Variants in NXN observed in about 807,000 individuals in gnomAD.
NXN encodes the protein nucleoredoxin, also known as nucleoredoxin 1.
Under a neutral mutation model 48.6 loss-of-function variants are expected in NXN, and 16 were observed. That is an observed-to-expected ratio of 0.33 (90% CI 0.22 to 0.50). NXN has a LOEUF of 0.50. Among genes scored for constraint, NXN ranks in the 20% least tolerant of loss-of-function variants. The probability of loss-of-function intolerance (pLI) is 0.98; values close to 1 mark genes in which losing one functional copy is unlikely to be tolerated. For missense variants in NXN, 492 were observed against 605.5 expected (o/e 0.81, Z 1.97); for synonymous variants, 281 against 269.6 (o/e 1.04, Z -0.41).
intron 1 of NXN, among the ~76,000 whole-genome samples, chr17:972,337 C>T (rs7222363): frequency 0.068 from 10,245 of 150,800 alleles, 951 homozygotes; most frequent in African/African-American, 0.22. Context: ...CTTAGCCAGG[C>T]GTGGTGGCTG....
In NXN at chr17:948,913, TC is replaced by T. The variant is rs202064791; in HGVS notation, c.360+30405del. On this transcript the variant is annotated intron_variant, in intron 1 of 7. Transcript: ENST00000336868. ...CTCCTCTCCCCCCTGCCTCCTCCTC[TC>T]CCCCCTGCCTCCTCCTCTCCCCCCT... Among the ~76,000 whole-genome samples, 8 of 3,560 alleles carry T rather than the reference TC, an allele frequency of 2.2e-3. 3 individuals are homozygous for T. The highest frequency in any genetic ancestry group is 0.011 in the East Asian group (1 of 88). The allele number at this position is 3,560 out of a possible 152,430, so 2.3% of individuals were successfully genotyped here.
intron 1 of NXN, among the ~76,000 whole-genome samples, chr17:911,565 G>C (rs2068636864): frequency 1.3e-5 from 2 of 151,860 alleles, no homozygotes; most frequent in African/African-American, 2.4e-5. Context: ...TCCTGACCTT[G>C]TGATCCACCC....
chr17:917,917 C>CA lies in NXN; in HGVS notation c.360+61401dup, dbSNP rs755909568. ...TGTGGTCTGTATTCAGTTTTGTTGA[C>CA]AAGAACCCCTAATGGATAATAATAA... On this transcript the variant is annotated intron_variant, in intron 1 of 7. Transcript: ENST00000336868. This position sits in a 1 kb window ranked among gnomAD's most constrained non-coding sequence, Gnocchi z 4.5. Among the ~76,000 whole-genome samples the CA allele has an allele frequency of 1.3e-5, 2 of 152,184 alleles. No individual in the cohort carries two copies.
chr17:859,833 T>G (rs114878991), intron 1 of NXN, among the ~76,000 whole-genome samples: 1,572 of 152,164 alleles, frequency 0.01, 29 homozygotes, highest in African/African-American at 0.036. Context: ...TTTTCATAGG[T>G]GACTAAACAA....
chr17:889,737 AAG>A lies in NXN; in HGVS notation c.361-63661_361-63660del, dbSNP rs750365523. 9.3e-4 allele frequency among the ~76,000 whole-genome samples: 70 copies of A among 75,026 alleles called. 2 individuals are homozygous for A. The highest frequency in any genetic ancestry group is 4.2e-3 in the African/African-American group (58 of 13,734). The allele number at this position is 75,026 out of a possible 152,430, so 49.2% of individuals were successfully genotyped here. On this transcript the variant is annotated intron_variant, in intron 1 of 7. Coordinates refer to ENST00000336868, the MANE Select transcript of NXN (RefSeq NM_022463.5). ...AAAGAAAGAAAGAAAGAAAGAAAGA[AAG>A]AAAGAAAGAAAGAAAGAAAGAAAAA... is the stretch of plus-strand genomic sequence containing the variant.
Position 825,196 on chromosome 17 carries a change from G to A in NXN, c.478+765C>T, listed in dbSNP as rs1435779893. Among the ~76,000 whole-genome samples the A allele has an allele frequency of 5.1e-5, 7 of 137,096 alleles. No homozygotes were observed. The highest frequency in any genetic ancestry group is 2.4e-4 in the South Asian group (1 of 4,176). The allele number at this position is 137,096 out of a possible 152,430, so 89.9% of individuals were successfully genotyped here. A position where few individuals can be genotyped will look rare whatever the true frequency, so the allele number is the denominator to read the frequency against. On this transcript the variant is annotated intron_variant, in intron 2 of 7. Transcript: ENST00000336868. The surrounding 1 kb of genome is among the most constrained non-coding windows in gnomAD (Gnocchi z 4.1). Reference sequence around the variant, plus strand: ...TCATGCCACAGCACTCGGCCTGGGCGACAGAGGGAGATAGTGTCTCAAGAG... The same window carrying A: ...TCATGCCACAGCACTCGGCCTGGGCAACAGAGGGAGATAGTGTCTCAAGAG...
intron 5 of NXN, among the ~76,000 whole-genome samples, chr17:808,450 A>C (rs924410017): frequency 5.6e-4 from 85 of 151,310 alleles, no homozygotes; most frequent in African/African-American, 1.7e-3. Context: ...TTACAGGTAC[A>C]CACCACCACA....
chr17:903,074 CT>C lies in NXN; in HGVS notation c.360+76244del, dbSNP rs200251377. On this transcript the variant is annotated intron_variant, in intron 1 of 7. Transcript: ENST00000336868. The stretch of plus-strand genomic sequence containing the variant: ...GCTGAGCCACCGCACCCAGCCTCCC[CT>C]CCCATCATTTCATCGACCACCCTGG... 9.3e-3 allele frequency among the ~76,000 whole-genome samples: 1,416 copies of C among 152,198 alleles called. 10 individuals carry two copies. The highest frequency in any genetic ancestry group is 0.012 in the Non-Finnish European group (819 of 68,008).
At chr17:813,481 G>A (rs1039379306) in intron 5 of NXN, among the ~76,000 whole-genome samples, 10 of 152,252 alleles carry the variant, frequency 6.6e-5, no homozygotes, top group African/African-American at 1.7e-4. Context: ...ACCTCGAAGC[G>A]CTGAGAAGGC....
chr17:912,468 G>A (rs1031017974), intron 1 of NXN, among the ~76,000 whole-genome samples: 3 of 152,028 alleles, frequency 2.0e-5, no homozygotes, highest in South Asian at 2.1e-4. Context: ...GAGAGACCCC[G>A]TCTACATCCT....
At chr17:968,878 A>G (rs1388713764) in intron 1 of NXN, among the ~76,000 whole-genome samples, 6 of 152,118 alleles carry the variant, frequency 3.9e-5, no homozygotes, top group Non-Finnish European at 8.8e-5. Flanking sequence ...CAGAGGTCAC[A>G]GTGAGCTGAG....
Position 979,698 on chromosome 17 carries a change from G to C in NXN, c.-20C>G, listed in dbSNP as rs777345878. On this transcript the variant is annotated 5_prime_UTR_variant, in exon 1 of 8. Coordinates refer to ENST00000336868, the MANE Select transcript of NXN (RefSeq NM_022463.5). ...CGACATCCTGGCCCACCGCAGGGCG[G>C]GCAGGCGGCTGCGACCCCGCTCCAC... 1 of 1,396,248 alleles carries C rather than the reference G, an allele frequency of 7.2e-7. No individual in the cohort carries two copies. The highest frequency in any genetic ancestry group is 1.5e-5 in the African/African-American group (1 of 66,484). 86.5% of individuals were successfully genotyped at this position (1,396,248 alleles called of 1,614,324 possible).
intron 1 of NXN, among the ~76,000 whole-genome samples, chr17:885,872 T>G (rs2068341424): frequency 6.6e-6 from 1 of 151,316 alleles, no homozygotes. Flanking sequence ...ATTTTTTTAG[T>G]AGAGACGGGG....
At chr17:959,324 C>A in intron 1 of NXN, 1 of 261,536 alleles carries the variant, frequency 3.8e-6, no homozygotes, top group Non-Finnish European at 7.3e-6. Context: ...CTCCCAGGCC[C>A]GCGACACTCC....
At chr17:940,390 G>A (rs2068958099) in intron 1 of NXN, among the ~76,000 whole-genome samples, 1 of 152,076 alleles carries the variant, frequency 6.6e-6, no homozygotes, top group Non-Finnish European at 1.5e-5. Context: ...CATTGCACCT[G>A]GCCTCAATAT....
Position 920,668 on chromosome 17 carries a change from C to T in NXN, c.360+58651G>A, listed in dbSNP as rs370625110. On this transcript the variant is annotated intron_variant, in intron 1 of 7. Coordinates refer to ENST00000336868, the MANE Select transcript of NXN (RefSeq NM_022463.5). The surrounding 1 kb of genome is among the most constrained non-coding windows in gnomAD (Gnocchi z 4.6). ...TTCTCAATGAGGTCTTCATTCATAC[C>T]GCCTTGCCAATCGCCCTCAAAATCA... is the stretch of plus-strand genomic sequence containing the variant. Among the ~76,000 whole-genome samples the T allele has an allele frequency of 2.0e-5, 3 of 152,080 alleles. No homozygotes were observed. Among genetic ancestry groups the T allele is most frequent in the Non-Finnish European group, 2.9e-5 (2 of 68,010 alleles).
At chr17:901,602 C>G (rs1480992938) in intron 1 of NXN, among the ~76,000 whole-genome samples, 2 of 152,224 alleles carry the variant, frequency 1.3e-5, no homozygotes, top group Non-Finnish European at 2.9e-5. Flanking sequence ...TGAATTCAAA[C>G]AAAGCACATT....
chr17:940,638 A>ATG (rs2068961820), intron 1 of NXN, among the ~76,000 whole-genome samples: 2 of 150,402 alleles, frequency 1.3e-5, no homozygotes, highest in Non-Finnish European at 3.0e-5. Context: ...ATTCCAGGGC[A>ATG]CAGCCATGAA....
chr17:818,884 CA>C (rs1229405533), intron 5 of NXN, among the ~76,000 whole-genome samples: 101 of 139,994 alleles, frequency 7.2e-4, no homozygotes, highest in Admixed American at 2.4e-3. Flanking sequence ...GACTCCGTCT[CA>C]AAAAAAAAAA....
Sources: gnomAD v4.1 joint callset for allele counts (sites outside exome capture counted in the v4.1 genomes callset) on GRCh38, gnomAD v4.1.1 for gene constraint, Gnocchi (gnomAD v3.1) non-coding constraint, MANE v1.5 for transcripts, NCBI Gene and HGNC (gene_info 2026-07-23, HGNC 2026-07-21) for gene names.